Variants in RUSC1 observed in about 807,000 individuals in gnomAD.
The protein encoded by RUSC1 is RUN and SH3 domain containing 1.
Under a neutral mutation model 72.1 loss-of-function variants are expected in RUSC1, and 40 were observed. The ratio of observed to expected loss-of-function variants is 0.55; its 90% CI spans 0.43 to 0.72. RUSC1 has a LOEUF of 0.72. Ranked by LOEUF, RUSC1 falls within the 30% of genes least tolerant of loss-of-function variation. RUSC1 has a pLI of 0.00. For synonymous variants in RUSC1, 512 were observed against 494.2 expected (o/e 1.04, Z -0.48); for missense variants, 1,092 against 1,172.3 (o/e 0.93, Z 1.00).
intron 1 of RUSC1, chr1:155,321,415 G>A (rs751651189): frequency 6.4e-6 from 9 of 1,398,430 alleles, no homozygotes; most frequent in South Asian, 4.6e-5. Flanking sequence ...TTCTGGGCCC[G>A]GACCTCTTCC....
Position 155,330,420 on chromosome 1 carries a change from G to C in RUSC1, c.2558G>C (p.Cys853Ser), listed in dbSNP as rs767241034. 4 of 1,612,766 alleles carry C rather than the reference G, an allele frequency of 2.5e-6. No homozygotes were observed. Among genetic ancestry groups the C allele is most frequent in the African/African-American group, 1.3e-5 (1 of 74,890 alleles). The change falls in exon 10 of 10, where the codon TGT becomes TCT. Residue 853 changes from cysteine (C) to serine (S), a missense_variant. Cys to Ser is a moderately radical substitution (Grantham distance 112). Coordinates refer to ENST00000368352, the MANE Select transcript of RUSC1 (RefSeq NM_001105203.2). ...VQTHRAVRAL[C>S]DHTAARPDQL... is the part of the protein sequence containing the mutation. ...CCCCTCAGGGCAGTGCGGGCTCTCTGTGATCACACTGCTGCAAGACCTGAC... is the reference window on the plus strand; with the variant it reads ...CCCCTCAGGGCAGTGCGGGCTCTCTCTGATCACACTGCTGCAAGACCTGAC...
chr1:155,325,793 C>T lies in RUSC1; in HGVS notation c.1815-71C>T. 2 of 1,593,492 alleles carry T rather than the reference C, an allele frequency of 1.3e-6. No individual in the cohort carries two copies. Among genetic ancestry groups the T allele is most frequent in the East Asian group, 2.2e-5 (1 of 44,774 alleles). ...GGCCCCCCCTCTTCCAATCTCATCT[C>T]CCATCCTCCACCCAGAGAGGACTGG... On this transcript the variant is annotated intron_variant, in intron 6 of 9. Coordinates refer to ENST00000368352, the MANE Select transcript of RUSC1 (RefSeq NM_001105203.2). This position sits in a 1 kb window ranked among gnomAD's most constrained non-coding sequence, Gnocchi z 6.5.
At chr1:155,321,344 G>A in intron 1 of RUSC1, 1 of 1,374,054 alleles carries the variant, frequency 7.3e-7, no homozygotes, top group South Asian at 1.1e-5. Context: ...CCCTTCCTCT[G>A]GGAGTAAGGG....
rs1651329843 is a variant in RUSC1 at position 155,325,829 on chromosome 1, C to A, written c.1815-35C>A. 2 of 1,612,878 alleles carry A rather than the reference C, an allele frequency of 1.2e-6. No individual in the cohort carries two copies. The highest frequency in any genetic ancestry group is 1.7e-6 in the Non-Finnish European group (2 of 1,178,890). ...CCCAGAGAGGACTGGAGTCCTCCAC[C>A]TCCCTGAACTTCCATTCCCTCTTTT... is the stretch of plus-strand genomic sequence containing the variant. On this transcript the variant is annotated intron_variant, in intron 6 of 9. Transcript: ENST00000368352. This position sits in a 1 kb window ranked among gnomAD's most constrained non-coding sequence, Gnocchi z 6.5.
In RUSC1 at chr1:155,326,801, A is replaced by G; in HGVS notation, c.2083A>G (p.Met695Val). The change falls in exon 8 of 10, where the codon ATG (methionine) becomes GTG (valine). Residue 695 changes from methionine to valine, a missense_variant. Met to Val is a conservative substitution (Grantham distance 21). Transcript: ENST00000368352. The surrounding 1 kb of genome is among the most constrained non-coding windows in gnomAD (Gnocchi z 4.7). ...PPALQQTMQA[M>V]LHFGGRLAQS... ...AGCTCTGCAGCAGACTATGCAAGCC[A>G]TGCTGCACTTTGGGGGCCGGCTGGC... The G allele has an allele frequency of 6.2e-7, 1 of 1,613,320 alleles. No homozygotes were observed. Among genetic ancestry groups the G allele is most frequent in the Non-Finnish European group, 8.5e-7 (1 of 1,180,028 alleles).
chr1:155,326,665 C>T lies in RUSC1; in HGVS notation c.1947C>T (p.Leu649=), dbSNP rs768275755. ...GCPSLSTELL[L]LLQPLSVLTF... ...CCTCCCTGTCCACAGAGCTGCTGCTCCTGCTGCAGCCATTGTCGGTGCTCA... is the reference window on the plus strand; with the variant it reads ...CCTCCCTGTCCACAGAGCTGCTGCTTCTGCTGCAGCCATTGTCGGTGCTCA... The change falls in exon 8 of 10, where the codon CTC becomes CTT. Residue 649 remains leucine (L), a synonymous_variant. Coordinates refer to ENST00000368352, the MANE Select transcript of RUSC1 (RefSeq NM_001105203.2). This position sits in a 1 kb window ranked among gnomAD's most constrained non-coding sequence, Gnocchi z 4.7. 1 of 1,613,906 alleles carries T rather than the reference C, an allele frequency of 6.2e-7. No individual in the cohort carries two copies. Among genetic ancestry groups the T allele is most frequent in the East Asian group, 2.2e-5 (1 of 44,890 alleles).
Position 155,323,009 on chromosome 1 carries a change from G to A in RUSC1, c.1236G>A (p.Lys412=). ...PPPPVPPRRK[K]NRPGLQPIAE... ...CGCCTGTCCCTCCCCGAAGGAAGAA[G>A]AACCGACCTGGACTGCAGCCCATAG... The change falls in exon 2 of 10, where the codon AAG becomes AAA. Residue 412 remains lysine (K), a synonymous_variant. Transcript: ENST00000368352. 8.6e-7 allele frequency: 1 copy of A among 1,157,066 alleles called. No homozygotes were observed. Among genetic ancestry groups the A allele is most frequent in the Non-Finnish European group, 1.2e-6 (1 of 869,470 alleles). 71.7% of individuals were successfully genotyped at this position (1,157,066 alleles called of 1,614,324 possible).
chr1:155,321,615 G>A (rs572564488), intron 1 of RUSC1, 73 bp from the exon 2 acceptor site: 2 of 1,255,330 alleles, frequency 1.6e-6, no homozygotes, highest in East Asian at 2.4e-5. Flanking sequence ...TGCTGCTGCC[G>A]TCAAGTCACC....
rs765346702 is a variant in RUSC1 at position 155,326,965 on chromosome 1, T to C, written c.2247T>C (p.Pro749=). 8.1e-6 allele frequency: 13 copies of C among 1,613,740 alleles called. No homozygotes were observed. The Middle Eastern group carries it at 4.9e-4, about 61-fold the overall frequency. The change falls in exon 8 of 10, where the codon CCT becomes CCC. Residue 749 remains proline, a synonymous_variant. Transcript: ENST00000368352. This position sits in a 1 kb window ranked among gnomAD's most constrained non-coding sequence, Gnocchi z 4.7. ...VYASGGTEGF[P]LSRWAPGRHG... ...CCTCTGGGGGCACTGAGGGCTTTCC[T>C]CTTTCCCGATGGGCACCGGGGCGTC...
At chr1:155,321,192 C>T (rs373906880) in intron 1 of RUSC1, 1 of 1,368,484 alleles carries the variant, frequency 7.3e-7, no homozygotes, top group Non-Finnish European at 9.8e-7. Flanking sequence ...CCAGCAGATG[C>T]GGAGTTGACA....
Position 155,325,948 on chromosome 1 carries a change from C to G in RUSC1, c.1861+38C>G. On this transcript the variant is annotated intron_variant, in intron 7 of 9. Coordinates refer to ENST00000368352, the MANE Select transcript of RUSC1 (RefSeq NM_001105203.2). The surrounding 1 kb of genome is among the most constrained non-coding windows in gnomAD (Gnocchi z 6.5). The stretch of plus-strand genomic sequence containing the variant: ...GATGGTAGAGGATGGGGCTGATGGG[C>G]TGGGAGGATGGGAAGGAAAGAGTTC... The G allele has an allele frequency of 6.2e-7, 1 of 1,604,680 alleles. No individual in the cohort carries two copies. Among genetic ancestry groups the G allele is most frequent in the Middle Eastern group, 1.7e-4 (1 of 6,034 alleles).
At chr1:155,328,762 C>A (rs1651693155) in intron 9 of RUSC1, among the ~76,000 whole-genome samples, 1 of 152,174 alleles carries the variant, frequency 6.6e-6, no homozygotes. Context: ...CCACGCCCAG[C>A]TAATTTTTGT....
At chr1:155,324,755 C>T in intron 2 of RUSC1, 90 bp from the exon 3 acceptor site, 1 of 1,604,388 alleles carries the variant, frequency 6.2e-7, no homozygotes, top group Non-Finnish European at 8.5e-7. Flanking sequence ...CACAGCACTG[C>T]AGACCCGCCG....
Position 155,321,705 on chromosome 1 carries a change from C to T in RUSC1, c.-69C>T. 2 of 1,573,596 alleles carry T rather than the reference C, an allele frequency of 1.3e-6. No individual in the cohort carries two copies. The highest frequency in any genetic ancestry group is 1.7e-6 in the Non-Finnish European group (2 of 1,149,778). On this transcript the variant is annotated 5_prime_UTR_variant, in exon 2 of 10. Coordinates refer to ENST00000368352, the MANE Select transcript of RUSC1 (RefSeq NM_001105203.2). ...TCTTCTAGGTCTGCACCTGTGGTTG[C>T]CAGGTAGGTGGATGTGAGAGACCCT...
Position 155,328,135 on chromosome 1 carries a change from T to C in RUSC1, c.2415-15T>C, listed in dbSNP as rs1372147828. 1.9e-6 allele frequency: 3 copies of C among 1,611,180 alleles called. No individual in the cohort carries two copies. Among genetic ancestry groups the C allele is most frequent in the Non-Finnish European group, 2.5e-6 (3 of 1,178,482 alleles). On this transcript the variant is annotated splice_polypyrimidine_tract_variant and intron_variant, in intron 8 of 9. Coordinates refer to ENST00000368352, the MANE Select transcript of RUSC1 (RefSeq NM_001105203.2). ...GGAAGTGGGTTGAGCTGTGACCCTA[T>C]GTCCCTTCTTTTAGGAGACCATCTA...
chr1:155,326,152 C>T lies in RUSC1; in HGVS notation c.1861+242C>T, dbSNP rs898002239. The T allele has an allele frequency of 1.4e-5, 8 of 591,850 alleles. No homozygotes were observed. The highest frequency in any genetic ancestry group is 7.5e-5 in the African/African-American group (4 of 53,648). The allele number at this position is 591,850 out of a possible 1,614,324, so 36.7% of individuals were successfully genotyped here. A position where few individuals can be genotyped will look rare whatever the true frequency, so the allele number is the denominator to read the frequency against. ...TGGAGGGTCTTGCCAACAGTCTTCC[C>T]GCCTGGCCCTTCCTGCTCCAGGGCC... is the stretch of plus-strand genomic sequence containing the variant. On this transcript the variant is annotated intron_variant, in intron 7 of 9. Transcript: ENST00000368352. This position sits in a 1 kb window ranked among gnomAD's most constrained non-coding sequence, Gnocchi z 4.7.
At position 155,327,204 on chromosome 1, in the gene RUSC1, C is replaced by G. The variant is rs184729462; in HGVS notation, c.2414+72C>G. ...TCTCCTAGCGGCTTCATTTGAAACT[C>G]TCTAGTGATGATCCTTTAGGGCAGA... is the stretch of plus-strand genomic sequence containing the variant. On this transcript the variant is annotated intron_variant, in intron 8 of 9. Transcript: ENST00000368352. 1.2e-5 allele frequency: 17 copies of G among 1,427,788 alleles called. No homozygotes were observed. In the East Asian group the frequency reaches 3.9e-4, roughly 33 times the overall value. The allele number at this position is 1,427,788 out of a possible 1,614,324, so 88.4% of individuals were successfully genotyped here. A position where few individuals can be genotyped will look rare whatever the true frequency, so the allele number is the denominator to read the frequency against.
intron 9 of RUSC1, among the ~76,000 whole-genome samples, chr1:155,329,096 AT>A (rs1363161183): frequency 1.3e-5 from 2 of 149,436 alleles, no homozygotes; most frequent in South Asian, 4.2e-4. Flanking sequence ...ACTAAACATA[AT>A]TTTTTTTTTG....
chr1:155,330,291 C>T, intron 9 of RUSC1, 112 bp from the exon 10 acceptor site: 2 of 1,040,294 alleles, frequency 1.9e-6, no homozygotes, highest in East Asian at 5.2e-5. Flanking sequence ...TTCCAGAGCC[C>T]AGTCAATGTC....
Sources: allele counts gnomAD v4.1 joint callset (sites outside exome capture counted in the v4.1 genomes callset), GRCh38; gene constraint gnomAD v4.1.1; non-coding constraint Gnocchi (gnomAD v3.1); transcripts MANE v1.5; gene names NCBI Gene and HGNC (gene_info 2026-07-23, HGNC 2026-07-21).